Variants in ROBO2 observed in about 807,000 individuals in gnomAD.
ROBO2 encodes roundabout homolog 2.
ROBO2 carries 53 observed loss-of-function variants against 160.8 expected under a neutral mutation model. The ratio of observed to expected loss-of-function variants is 0.33; its 90% confidence interval spans 0.26 to 0.41. The LOEUF is 0.41. Ranked by LOEUF, ROBO2 falls within the 10% of genes least tolerant of loss-of-function variation. The pLI is 1.00. For synonymous variants in ROBO2, 664 were observed against 611.7 expected (o/e 1.09, Z -1.26); for missense variants, 1,577 against 1,722.4 (o/e 0.92, Z 1.49).
intron 19 of ROBO2, among the ~76,000 whole-genome samples, chr3:77,597,768 A>G (rs748184401): frequency 2.6e-5 from 4 of 152,212 alleles, no homozygotes; most frequent in Admixed American, 6.5e-5. Flanking sequence ...CACAAATAAA[A>G]GAGACATTGA....
At chr3:77,540,158 T>C (rs985925430) in intron 6 of ROBO2, among the ~76,000 whole-genome samples, 1 of 152,144 alleles carries the variant, frequency 6.6e-6, no homozygotes, top group Non-Finnish European at 1.5e-5. Flanking sequence ...GAAGGAAGTG[T>C]GCTTAAGAAA....
chr3:76,121,306 A>G (rs946484520), intron 2 of ROBO2, among the ~76,000 whole-genome samples: 5 of 152,164 alleles, frequency 3.3e-5, no homozygotes, highest in African/African-American at 1.2e-4. Flanking sequence ...TAGGTTCAAC[A>G]TAATAAAGAA....
chr3:77,570,638 T>C (rs1485843742), intron 13 of ROBO2, among the ~76,000 whole-genome samples: 2 of 152,080 alleles, frequency 1.3e-5, no homozygotes, highest in Non-Finnish European at 2.9e-5. Flanking sequence ...TTGAAAGAGA[T>C]AAATTAAGTG....
intron 2 of ROBO2, among the ~76,000 whole-genome samples, chr3:76,968,796 G>A (rs1292989299): frequency 1.3e-5 from 2 of 152,140 alleles, no homozygotes; most frequent in East Asian, 3.9e-4. Context: ...AGCTAAATAT[G>A]TGACATTCTC....
At chr3:76,388,873 C>G (rs890801706) in intron 2 of ROBO2, among the ~76,000 whole-genome samples, 5 of 151,916 alleles carry the variant, frequency 3.3e-5, no homozygotes, top group African/African-American at 1.2e-4. Flanking sequence ...ATATATTAAA[C>G]ATTTTTTTCT....
At chr3:76,449,560 A>G (rs1463648799) in intron 2 of ROBO2, among the ~76,000 whole-genome samples, 2 of 152,124 alleles carry the variant, frequency 1.3e-5, no homozygotes, top group Non-Finnish European at 2.9e-5. Flanking sequence ...GATTTCCTAG[A>G]GCTGCTGAAC....
intron 2 of ROBO2, among the ~76,000 whole-genome samples, chr3:76,162,678 G>A (rs1559603896): frequency 6.6e-6 from 1 of 152,022 alleles, no homozygotes; most frequent in South Asian, 2.1e-4. Flanking sequence ...TCATTTATAA[G>A]TCTATACTGC....
chr3:77,125,313 A>G (rs748769434), intron 2 of ROBO2, among the ~76,000 whole-genome samples: 35 of 152,174 alleles, frequency 2.3e-4, no homozygotes, highest in Non-Finnish European at 5.9e-5. Context: ...CCAGGTGACT[A>G]TAGTGAAGGA....
At chr3:76,865,502 G>A (rs891180690) in intron 2 of ROBO2, among the ~76,000 whole-genome samples, 4 of 152,046 alleles carry the variant, frequency 2.6e-5, no homozygotes, top group Non-Finnish European at 4.4e-5. Context: ...GCTTTACACC[G>A]TCACTAGTGC....
rs148089440 is a variant in ROBO2 at position 77,173,025 on chromosome 3, A to C, written c.388+74685A>C. ...AATGTTTGCATTCGATGAACTCTGA[A>C]TGGAGTGGAGATGTCAGGTAGATAG... is the stretch of plus-strand genomic sequence containing the variant. On this transcript the variant is annotated intron_variant, in intron 2 of 25. Transcript: ENST00000461745. Among the ~76,000 whole-genome samples the C allele has an allele frequency of 8.5e-5, 13 of 152,292 alleles. No individual in the cohort carries two copies. In the East Asian group the frequency reaches 2.3e-3, roughly 27 times the overall value.
rs534885373 is a variant in ROBO2, at chr3:76,583,574, C to T, written c.110-514440C>T. 2.0e-5 allele frequency among the ~76,000 whole-genome samples: 3 copies of T among 152,230 alleles called. No homozygotes were observed. In the East Asian group the frequency reaches 5.8e-4, roughly 29 times the overall value. Reference sequence around the variant, plus strand: ...CTTTTTGGGTTTTCCGCAGCTCAGTCGTCCTGCCAGTTTCCTTTGCTCTCA... The same window carrying T: ...CTTTTTGGGTTTTCCGCAGCTCAGTTGTCCTGCCAGTTTCCTTTGCTCTCA... On this transcript the variant is annotated intron_variant, in intron 2 of 26. Transcript: ENST00000487694.
chr3:77,588,680 G>C, intron 16 of ROBO2, 71 bp from the exon 18 acceptor site: 2 of 1,411,718 alleles, frequency 1.4e-6, no homozygotes, highest in Non-Finnish European at 2.0e-6. Context: ...CTTCATTTTT[G>C]ATGCACCATG....
chr3:77,139,857 T>G lies in ROBO2; in HGVS notation c.388+41517T>G, dbSNP rs117164021. Among the ~76,000 whole-genome samples, 208 of 152,232 alleles carry G rather than the reference T, an allele frequency of 1.4e-3. 2 individuals are homozygous for G. The East Asian group carries it at 0.034, about 25-fold the overall frequency. ...AATTATGGGCAAAGGTCAATCATTT[T>G]CCCATCAAGGCAAATCCTGACAACC... On this transcript the variant is annotated intron_variant, in intron 2 of 25. Transcript: ENST00000461745.
At chr3:76,746,869 T>C (rs1434566533) in intron 2 of ROBO2, among the ~76,000 whole-genome samples, 1 of 152,120 alleles carries the variant, frequency 6.6e-6, no homozygotes, top group Non-Finnish European at 1.5e-5. Flanking sequence ...TATGATCTTA[T>C]TGTGTTCCCA....
At chr3:76,710,161 G>A (rs1003056088) in intron 2 of ROBO2, among the ~76,000 whole-genome samples, 4 of 150,486 alleles carry the variant, frequency 2.7e-5, no homozygotes, top group Non-Finnish European at 4.4e-5. Context: ...ACTCTGTCGC[G>A]CCAAGCTGGA....
intron 2 of ROBO2, among the ~76,000 whole-genome samples, chr3:76,638,486 A>C (rs1294265023): frequency 6.6e-6 from 1 of 152,162 alleles, no homozygotes; most frequent in Non-Finnish European, 1.5e-5. Flanking sequence ...AAGTAACAAA[A>C]ATATTTTTGA....
In ROBO2 at chr3:77,159,513, C is replaced by T. The variant is rs776608081; in HGVS notation, c.388+61173C>T. Among the ~76,000 whole-genome samples, 3 of 152,130 alleles carry T rather than the reference C, an allele frequency of 2.0e-5. 1 individual carries two copies. The highest frequency in any genetic ancestry group is 4.1e-4 in the South Asian group (2 of 4,822). On this transcript the variant is annotated intron_variant, in intron 2 of 25. Transcript: ENST00000461745. ...TTTCCACAAGGAGTGGATGCCTGGT[C>T]AGTAGAACTTGTATTCAATACTGTT...
At chr3:75,997,194 A>C (rs2065753213) in intron 2 of ROBO2, among the ~76,000 whole-genome samples, 1 of 152,200 alleles carries the variant, frequency 6.6e-6, no homozygotes, top group South Asian at 2.1e-4. Context: ...TCATTTTAGC[A>C]CATATGTTAA....
chr3:77,292,208 C>T (rs79547265), intron 2 of ROBO2, among the ~76,000 whole-genome samples: 45 of 148,244 alleles, frequency 3.0e-4, no homozygotes, highest in Admixed American at 7.4e-4. Flanking sequence ...GATGGTTAAA[C>T]GGGTAAGCTG....
Sources: gnomAD v4.1 joint callset for allele counts (sites outside exome capture counted in the v4.1 genomes callset) on GRCh38, gnomAD v4.1.1 for gene constraint, MANE v1.5 for transcripts, NCBI Gene and HGNC (gene_info 2026-07-23, HGNC 2026-07-21) for gene names.